Variants in TMEM177 observed in about 807,000 individuals in gnomAD.
TMEM177 encodes transmembrane protein 177.
In TMEM177, 4 loss-of-function variants were observed where a neutral mutation model predicts 14.2. The observed-to-expected ratio is 0.28, with a 90% confidence interval of 0.14 to 0.64. The LOEUF (loss-of-function observed/expected upper bound fraction) is 0.64, where lower values mean the gene tolerates loss of function less well. TMEM177 is among the 30% of genes least tolerant of loss of function. The pLI, the probability that TMEM177 is intolerant of heterozygous loss-of-function variation, is 0.82. For missense variants in TMEM177, 344 were observed against 405.2 expected (o/e 0.85, Z 1.30); for synonymous variants, 179 against 174.5 (o/e 1.03, Z -0.20).
chr2:119,688,802 T>C (rs551869231), downstream of TMEM177, among the ~76,000 whole-genome samples: 7 of 152,314 alleles, frequency 4.6e-5, no homozygotes, highest in Admixed American at 4.6e-4. Context: ...TGTCTGTCGG[T>C]TACTGTGGTG....
the TMEM177 span, chr2:119,700,166 T>C: frequency 9.8e-6 from 2 of 203,626 alleles, no homozygotes; most frequent in African/African-American, 2.3e-5. Context: ...AAATTCAGCA[T>C]AAAATAAATG....
At chr2:119,706,057 C>T in the TMEM177 span, among the ~76,000 whole-genome samples, 1 of 86,464 alleles carries the variant, frequency 1.2e-5, no homozygotes, top group Non-Finnish European at 2.4e-5. Flanking sequence ...CAGAGTCTCG[C>T]TCTGTCACCC....
downstream of TMEM177, among the ~76,000 whole-genome samples, chr2:119,688,628 C>T (rs191733245): frequency 1.6e-4 from 25 of 152,302 alleles, no homozygotes; most frequent in Non-Finnish European, 2.4e-4. Flanking sequence ...CTGTCATATA[C>T]GTGGTTCCTC....
the TMEM177 span, among the ~76,000 whole-genome samples, chr2:119,720,086 G>A: frequency 1.4e-4 from 21 of 151,036 alleles, no homozygotes; most frequent in Admixed American, 2.6e-4. Context: ...ATGAACCACC[G>A]TGCCCAGCCT....
downstream of TMEM177, chr2:119,682,131 T>TC (rs1553420883): frequency 9.3e-6 from 2 of 215,250 alleles, no homozygotes; most frequent in African/African-American, 4.7e-5. Flanking sequence ...TGGTCGTTTT[T>TC]TTTTTTTTTT....
chr2:119,693,159 AG>A, the TMEM177 span, among the ~76,000 whole-genome samples: 82 of 152,100 alleles, frequency 5.4e-4, no homozygotes, highest in African/African-American at 1.9e-3. Context: ...GTGAGGAGGT[AG>A]GGGGTCACAG....
At position 119,681,520 on chromosome 2, in the gene TMEM177, C is replaced by G; in HGVS notation, c.667C>G (p.Leu223Val). Residue 223 changes from leucine (L) to valine (V), a missense_variant, in exon 2 of 2, where the codon CTC becomes GTC. Leu to Val is a conservative substitution (Grantham distance 32, BLOSUM62 1). Coordinates refer to ENST00000272521, the MANE Select transcript of TMEM177 (RefSeq NM_030577.3). ...FVAYAFSQDS[L>V]THAVESWLDR... ...GGCCTACGCCTTCTCCCAGGATTCT[C>G]TCACTCATGCCGTGGAGTCCTGGCT... 6.2e-7 allele frequency: 1 copy of G among 1,614,076 alleles called. No homozygotes were observed. The highest frequency in any genetic ancestry group is 8.5e-7 in the Non-Finnish European group (1 of 1,180,052).
At chr2:119,720,238 C>T in the TMEM177 span, among the ~76,000 whole-genome samples, 4 of 152,098 alleles carry the variant, frequency 2.6e-5, no homozygotes, top group Admixed American at 6.5e-5. Context: ...ATCAGTAATG[C>T]TGATTGTCTT....
downstream of TMEM177, among the ~76,000 whole-genome samples, chr2:119,684,371 C>A (rs748999362): frequency 3.9e-5 from 6 of 152,130 alleles, no homozygotes; most frequent in Admixed American, 2.6e-4. Flanking sequence ...GTCAGATGCC[C>A]GTTTATACAC....
the TMEM177 span, among the ~76,000 whole-genome samples, chr2:119,703,488 A>C: frequency 6.6e-6 from 1 of 152,184 alleles, no homozygotes; most frequent in Admixed American, 6.5e-5. Flanking sequence ...ACTACTACTG[A>C]TAATAACTTG....
chr2:119,689,894 G>C (rs910647417), downstream of TMEM177, among the ~76,000 whole-genome samples: 7 of 152,174 alleles, frequency 4.6e-5, no homozygotes, highest in African/African-American at 1.7e-4. Context: ...GGAGTGATGA[G>C]GACTGGCTTG....
rs1011176832 is a variant in TMEM177, at chr2:119,680,982, A to G, written c.129A>G (p.Gln43=). 17 of 1,614,066 alleles carry G rather than the reference A, an allele frequency of 1.1e-5. No homozygotes were observed. Among genetic ancestry groups the G allele is most frequent in the Non-Finnish European group, 1.4e-5 (16 of 1,180,038 alleles). The change falls in exon 2 of 2, where the codon CAA becomes CAG. Residue 43 remains glutamine, a synonymous_variant. Transcript: ENST00000272521. The part of the protein sequence containing the change: ...SYHLFPDPVV[Q]WLYQYWPQGQ... ...ACCTCTTCCCGGATCCCGTGGTCCA[A>G]TGGCTCTACCAGTACTGGCCTCAGG...
chr2:119,716,022 TG>T, the TMEM177 span, among the ~76,000 whole-genome samples: 21 of 152,172 alleles, frequency 1.4e-4, no homozygotes, highest in Non-Finnish European at 2.6e-4. Flanking sequence ...CTAAGTCCAC[TG>T]GGGAAACAGC....
At chr2:119,704,668 C>T in the TMEM177 span, among the ~76,000 whole-genome samples, 8 of 152,234 alleles carry the variant, frequency 5.3e-5, no homozygotes, top group East Asian at 1.9e-4. Context: ...ACATTTTCAT[C>T]GTTGTGCAAA....
the TMEM177 span, among the ~76,000 whole-genome samples, chr2:119,715,447 G>A: frequency 6.6e-6 from 1 of 152,260 alleles, no homozygotes. Flanking sequence ...TTTAGGGAGA[G>A]TATCTCGCAC....
chr2:119,695,753 TG>T, the TMEM177 span, among the ~76,000 whole-genome samples: 1 of 152,236 alleles, frequency 6.6e-6, no homozygotes, highest in Non-Finnish European at 1.5e-5. Context: ...CACAGCACCC[TG>T]GGGTGGTAAA....
At position 119,680,930 on chromosome 2, in the gene TMEM177, G is replaced by T. The variant is rs769052754; in HGVS notation, c.77G>T (p.Gly26Val). 5.6e-6 allele frequency: 9 copies of T among 1,614,182 alleles called. No homozygotes were observed. Among genetic ancestry groups the T allele is most frequent in the Non-Finnish European group, 7.6e-6 (9 of 1,180,016 alleles). Residue 26 changes from glycine to valine, a missense_variant, in exon 2 of 2, where the codon GGC (glycine) becomes GTC (valine). Gly to Val is a moderately radical substitution (Grantham distance 109). Coordinates refer to ENST00000272521, the MANE Select transcript of TMEM177 (RefSeq NM_030577.3). ...RTGLLVGSCA[G>V]LFGVPISYHL... ...GGCCTCTTGGTGGGTTCCTGTGCAG[G>T]CCTGTTTGGAGTTCCAATCTCGTAC...
chr2:119,698,475 A>G, the TMEM177 span: 1 of 152,256 alleles, frequency 6.6e-6, no homozygotes, highest in African/African-American at 2.4e-5. Flanking sequence ...AGGTGCCAAG[A>G]CATCCTGGCT....
chr2:119,690,958 C>T (rs1574274995), downstream of TMEM177, among the ~76,000 whole-genome samples: 1 of 152,226 alleles, frequency 6.6e-6, no homozygotes, highest in East Asian at 1.9e-4. Flanking sequence ...TTTCCCAGGT[C>T]CCTGGGCTGG....
Sources: allele counts gnomAD v4.1 joint callset (sites outside exome capture counted in the v4.1 genomes callset), GRCh38; gene constraint gnomAD v4.1.1; transcripts MANE v1.5; gene names NCBI Gene and HGNC (gene_info 2026-07-23, HGNC 2026-07-21).